The following ITGAL variants were observed in gnomAD, a reference collection of about 807,000 sequenced individuals.
ITGAL encodes the protein integrin subunit alpha L.
Under a neutral mutation model 138.4 loss-of-function variants are expected in ITGAL, and 68 were observed. The observed-to-expected ratio is 0.49, with a 90% CI of 0.40 to 0.60. The LOEUF is 0.60. ITGAL is among the 20% of genes least tolerant of loss of function. The pLI is 0.00. For synonymous variants in ITGAL, 561 were observed against 584.3 expected (o/e 0.96, Z 0.57); for missense variants, 1,256 against 1,478.6 (o/e 0.85, Z 2.47).
intron 17 of ITGAL, among the ~76,000 whole-genome samples, chr16:30,502,615 G>A (rs2050920741): frequency 6.6e-6 from 1 of 151,290 alleles, no homozygotes; most frequent in African/African-American, 2.4e-5. Flanking sequence ...AGGTGTGGTG[G>A]CAGGCGCCTG....
At position 30,494,840 on chromosome 16, in the gene ITGAL, A is replaced by G. The variant is rs2050777710; in HGVS notation, c.1493A>G (p.Gln498Arg). The change falls in exon 13 of 31, where the codon CAG becomes CGG. Residue 498 changes from glutamine (Q) to arginine (R), a missense_variant. This residue lies in a region of ITGAL where 867 missense variants were observed against 972.5 expected (regional missense o/e 0.89). Coordinates refer to ENST00000356798, the MANE Select transcript of ITGAL (RefSeq NM_002209.3). This position sits in a 1 kb window ranked among gnomAD's most constrained non-coding sequence, Gnocchi z 4.2. ...EQRGGRVFIY[Q>R]RRQLGFEEVS... ...AGAGGAGGCCGGGTGTTTATCTACC[A>G]GAGAAGACAGGTGGGGCCAGGATCT... 2 of 1,598,508 alleles carry G rather than the reference A, an allele frequency of 1.3e-6. No homozygotes were observed. The highest frequency in any genetic ancestry group is 1.3e-5 in the African/African-American group (1 of 74,722).
At chr16:30,497,877 G>A (rs1033809374) in intron 15 of ITGAL, among the ~76,000 whole-genome samples, 4 of 151,658 alleles carry the variant, frequency 2.6e-5, no homozygotes, top group African/African-American at 9.7e-5. Flanking sequence ...AGCCTGGGAG[G>A]TCGAGGTTGC....
Position 30,483,841 on chromosome 16 carries a change from G to T in ITGAL, c.737G>T (p.Arg246Leu). Residue 246 changes from arginine to leucine, a missense_variant, in exon 8 of 31, where the codon CGG (arginine) becomes CTG (leucine). Physicochemically the swap from Arg to Leu is moderately radical, Grantham distance 102 (BLOSUM62 -2). Transcript: ENST00000356798. ...CCTGGACACAGGACAGAGGTGTTCC[G>T]GGAGGAGCTGGGGGCCCGGCCAGAT... ...AINYVATEVFREELGARPDAT... is the reference protein window; with the variant it reads ...AINYVATEVFLEELGARPDAT... 1 of 1,613,636 alleles carries T rather than the reference G, an allele frequency of 6.2e-7. No individual in the cohort carries two copies. Among genetic ancestry groups the T allele is most frequent in the Non-Finnish European group, 8.5e-7 (1 of 1,179,784 alleles).
chr16:30,522,640 G>A lies in ITGAL; in HGVS notation c.*975G>A, dbSNP rs975769255. 6.6e-6 allele frequency: 1 copy of A among 152,230 alleles called. No homozygotes were observed. Among genetic ancestry groups the A allele is most frequent in the Non-Finnish European group, 1.5e-5 (1 of 68,094 alleles). The allele number at this position is 152,230 out of a possible 1,614,324, so 9.4% of individuals were successfully genotyped here. On this transcript the variant is annotated 3_prime_UTR_variant, in exon 31 of 31. Coordinates refer to ENST00000356798, the MANE Select transcript of ITGAL (RefSeq NM_002209.3). This position sits in a 1 kb window ranked among gnomAD's most constrained non-coding sequence, Gnocchi z 4.0. Reference sequence around the variant, plus strand: ...CTTGACATAATTTCACTGAATTAATGACAGAGCCAGTGGGAAGATACAGAA... The same window carrying A: ...CTTGACATAATTTCACTGAATTAATAACAGAGCCAGTGGGAAGATACAGAA...
chr16:30,472,834 A>G lies in ITGAL; in HGVS notation c.-4A>G. ...GGGCCACAGGTCCCTCGAGTGCTGG[A>G]AGGATGAAGGATTCCTGCATCACTG... is the stretch of plus-strand genomic sequence containing the variant. On this transcript the variant is annotated 5_prime_UTR_variant, in exon 1 of 31. Transcript: ENST00000356798. 1 of 1,612,474 alleles carries G rather than the reference A, an allele frequency of 6.2e-7. No homozygotes were observed. Among genetic ancestry groups the G allele is most frequent in the Middle Eastern group, 1.7e-4 (1 of 6,058 alleles).
chr16:30,515,970 TAA>T (rs35691718), intron 25 of ITGAL, among the ~76,000 whole-genome samples: 10 of 134,166 alleles, frequency 7.5e-5, no homozygotes, highest in African/African-American at 8.2e-5. Context: ...ATATTCTGTC[TAA>T]AAAAAAAAAA....
chr16:30,521,523 A>G lies in ITGAL; in HGVS notation c.3371A>G (p.Lys1124Arg). Residue 1124 changes from lysine to arginine, a missense_variant, in exon 31 of 31, where the codon AAG (lysine) becomes AGG (arginine). Coordinates refer to ENST00000356798, the MANE Select transcript of ITGAL (RefSeq NM_002209.3). Reference sequence around the variant, plus strand: ...TTCTTCAAACGGAACCTGAAGGAGAAGATGGAGGCTGGCAGAGGTGTCCCG... The same window carrying G: ...TTCTTCAAACGGAACCTGAAGGAGAGGATGGAGGCTGGCAGAGGTGTCCCG... ...VGFFKRNLKE[K>R]MEAGRGVPNG... is the part of the protein sequence containing the mutation. 1 of 1,614,206 alleles carries G rather than the reference A, an allele frequency of 6.2e-7. No homozygotes were observed. Among genetic ancestry groups the G allele is most frequent in the South Asian group, 1.1e-5 (1 of 91,082 alleles).
rs1388297984 is a variant in ITGAL, at chr16:30,474,570, ACTCC to A, written c.164+275_164+278del. On this transcript the variant is annotated intron_variant, in intron 2 of 30. Coordinates refer to ENST00000356798, the MANE Select transcript of ITGAL (RefSeq NM_002209.3). ...TCGCATTGCCCAGTAGGTTCCTGAC[ACTCC>A]CTTACTCCCCTGCGAGCGCCTGGAA... is the stretch of plus-strand genomic sequence containing the variant. The A allele has an allele frequency of 1.9e-4, 78 of 420,138 alleles. No homozygotes were observed. In the East Asian group the frequency reaches 3.2e-3, roughly 17 times the overall value. The allele number at this position is 420,138 out of a possible 1,614,324, so 26.0% of individuals were successfully genotyped here.
chr16:30,506,593 AAG>A, intron 20 of ITGAL, 120 bp from the exon 21 acceptor site: 14 of 436,140 alleles, frequency 3.2e-5, no homozygotes, highest in South Asian at 1.5e-4. Flanking sequence ...AAAAAAAAAA[AAG>A]ACTGAGCATA....
rs148106642 is a variant in ITGAL at position 30,484,205 on chromosome 16, A to G, written c.948A>G (p.Thr316=). ...GCGAGTTTGTGAAAATTCTGGACAC[A>G]TTTGAGAAGCTGAAAGATCTATTCA... ...PASEFVKILD[T]FEKLKDLFTE... The change falls in exon 9 of 31, where the codon ACA becomes ACG. Residue 316 remains threonine (T), a synonymous_variant. Transcript: ENST00000356798. 155 of 1,613,996 alleles carry G rather than the reference A, an allele frequency of 9.6e-5. No individual in the cohort carries two copies. The highest frequency in any genetic ancestry group is 1.2e-4 in the Non-Finnish European group (146 of 1,180,032).
chr16:30,497,303 C>T (rs1349214350), intron 15 of ITGAL, among the ~76,000 whole-genome samples: 1 of 151,064 alleles, frequency 6.6e-6, no homozygotes, highest in African/African-American at 2.4e-5. Flanking sequence ...AGATCGCGCC[C>T]CTGCACTCCA....
intron 25 of ITGAL, among the ~76,000 whole-genome samples, chr16:30,516,682 G>T (rs1480388248): frequency 6.6e-6 from 1 of 152,230 alleles, no homozygotes; most frequent in Non-Finnish European, 1.5e-5. Context: ...AGGGGGAGCT[G>T]CCCTGTCCTT....
intron 29 of ITGAL, among the ~76,000 whole-genome samples, chr16:30,519,206 G>C (rs2051215257): frequency 6.6e-6 from 1 of 152,080 alleles, no homozygotes; most frequent in African/African-American, 2.4e-5. Flanking sequence ...CTGGGCGACA[G>C]AGTGAGACTT....
In ITGAL at chr16:30,496,566, G is replaced by A; in HGVS notation, c.1832G>A (p.Ser611Asn). The change falls in exon 15 of 31, where the codon AGC (serine) becomes AAC (asparagine). Residue 611 changes from serine to asparagine, a missense_variant and splice_region_variant. Physicochemically the swap from Ser to Asn is conservative, Grantham distance 46. This residue lies in a region of ITGAL where 867 missense variants were observed against 972.5 expected (regional missense o/e 0.89). Coordinates refer to ENST00000356798, the MANE Select transcript of ITGAL (RefSeq NM_002209.3). ...VGAESQMIVL[S>N]SRPVVDMVTL... ...GCTGAGAGCCAGATGATCGTGCTGAGGTGAGATGGGTCTCCCAGGTCACAC... is the reference window on the plus strand; with the variant it reads ...GCTGAGAGCCAGATGATCGTGCTGAAGTGAGATGGGTCTCCCAGGTCACAC... The A allele has an allele frequency of 6.2e-7, 1 of 1,611,876 alleles. No individual in the cohort carries two copies. The highest frequency in any genetic ancestry group is 8.5e-7 in the Non-Finnish European group (1 of 1,178,968).
intron 6 of ITGAL, 171 bp from the exon 7 acceptor site, chr16:30,481,268 C>T (rs1246146337): frequency 7.1e-6 from 4 of 561,956 alleles, no homozygotes; most frequent in Non-Finnish European, 1.2e-5. Flanking sequence ...ATCGCTGGAA[C>T]CCGGGAGGCA....
rs779306780 is a variant in ITGAL, at chr16:30,499,125, G to C, written c.1884G>C (p.Glu628Asp). 1 of 1,614,118 alleles carries C rather than the reference G, an allele frequency of 6.2e-7. No homozygotes were observed. The highest frequency in any genetic ancestry group is 8.5e-7 in the Non-Finnish European group (1 of 1,180,032). The change falls in exon 16 of 31, where the codon GAG becomes GAC. Residue 628 changes from glutamate (E) to aspartate (D), a missense_variant. Physicochemically the swap from Glu to Asp is conservative, Grantham distance 45 (BLOSUM62 2). Coordinates refer to ENST00000356798, the MANE Select transcript of ITGAL (RefSeq NM_002209.3). ...CCCTGATGTCCTTCTCTCCAGCTGA[G>C]ATCCCAGTGCATGAAGTGGAGTGCT... ...MVTLMSFSPA[E>D]IPVHEVECSY...
intron 25 of ITGAL, 56 bp from the exon 26 acceptor site, chr16:30,516,917 G>A: frequency 2.5e-6 from 3 of 1,223,626 alleles, no homozygotes; most frequent in Non-Finnish European, 3.6e-6. Context: ...CAGGGTCTGG[G>A]GGGCAGCTGG....
chr16:30,481,728 T>C, intron 7 of ITGAL, 144 bp downstream of exon 7: 2 of 698,864 alleles, frequency 2.9e-6, no homozygotes, highest in Admixed American at 3.0e-5. Context: ...ACAATTTTAC[T>C]GCAGATTCTT....
In ITGAL at chr16:30,489,385, G is replaced by C; in HGVS notation, c.1212G>C (p.Leu404Phe). ...PLTPEVRAGY[L>F]GYTVTWLPSR... Reference sequence around the variant, plus strand: ...CACCAGAAGTGAGAGCAGGCTATTTGGGTGAGTACTTCTCTTTTCTGCTGG... The same window carrying C: ...CACCAGAAGTGAGAGCAGGCTATTTCGGTGAGTACTTCTCTTTTCTGCTGG... Residue 404 changes from leucine to phenylalanine, a missense_variant and splice_region_variant, in exon 11 of 31, where the codon TTG (leucine) becomes TTC (phenylalanine). Physicochemically the swap from Leu to Phe is conservative, Grantham distance 22. Coordinates refer to ENST00000356798, the MANE Select transcript of ITGAL (RefSeq NM_002209.3). The C allele has an allele frequency of 2.5e-6, 4 of 1,614,082 alleles. No homozygotes were observed. Among genetic ancestry groups the C allele is most frequent in the Non-Finnish European group, 3.4e-6 (4 of 1,179,980 alleles).
Sources: gnomAD v4.1 joint callset for allele counts (sites outside exome capture counted in the v4.1 genomes callset) on GRCh38, gnomAD v4.1.1 for gene constraint, gnomAD v4.1.1 regional missense constraint, Gnocchi (gnomAD v3.1) non-coding constraint, MANE v1.5 for transcripts, NCBI Gene and HGNC (gene_info 2026-07-23, HGNC 2026-07-21) for gene names.